Variants in MYO16 observed in about 807,000 individuals in gnomAD.
The protein encoded by MYO16 is unconventional myosin-XVI.
Under a neutral mutation model 205.3 loss-of-function variants are expected in MYO16, and 94 were observed. The ratio of observed to expected loss-of-function variants is 0.46; its 90% confidence interval spans 0.39 to 0.54. The LOEUF is 0.54. Ranked by LOEUF, MYO16 falls within the 20% of genes least tolerant of loss-of-function variation. The pLI, the probability that MYO16 is intolerant of heterozygous loss-of-function variation, is 0.00. For missense variants in MYO16, 2,315 were observed against 2,387.5 expected (o/e 0.97, Z 0.63); for synonymous variants, 988 against 954.0 (o/e 1.04, Z -0.66).
chr13:109,111,852 A>T (rs1281933135), intron 28 of MYO16, among the ~76,000 whole-genome samples: 2 of 152,028 alleles, frequency 1.3e-5, no homozygotes, highest in Non-Finnish European at 2.9e-5. Flanking sequence ...ACGCCCGGCT[A>T]ATTTTTTGTA....
upstream of MYO16, among the ~76,000 whole-genome samples, chr13:108,627,186 G>T (rs1455076284): frequency 1.3e-5 from 2 of 151,794 alleles, no homozygotes; most frequent in Admixed American, 1.3e-4. Context: ...TTTTTGTTTT[G>T]TAGTGATGAA....
intron 31 of MYO16, among the ~76,000 whole-genome samples, chr13:109,134,534 G>A (rs957353849): frequency 3.3e-5 from 5 of 152,146 alleles, no homozygotes; most frequent in Admixed American, 2.0e-4. Context: ...AGCTGGTCAC[G>A]GGCATGTCTG....
intron 32 of MYO16, among the ~76,000 whole-genome samples, chr13:109,160,000 G>A (rs966200878): frequency 1.3e-5 from 2 of 152,198 alleles, no homozygotes; most frequent in South Asian, 2.1e-4. Context: ...TTTAAAGCGA[G>A]GTTTCTCGGC....
intron 2 of MYO16, among the ~76,000 whole-genome samples, chr13:108,696,977 TAAA>T (rs11462001): frequency 5.5e-5 from 8 of 145,156 alleles, no homozygotes; most frequent in Admixed American, 2.0e-4. Context: ...ATTCAAGCAT[TAAA>T]AAAAAAAAAA....
chr13:108,827,841 T>C (rs1446203417), intron 9 of MYO16, among the ~76,000 whole-genome samples: 1 of 152,170 alleles, frequency 6.6e-6, no homozygotes, highest in African/African-American at 2.4e-5. Flanking sequence ...CGTCTGAGCA[T>C]GGACGTGCTC....
chr13:108,497,486 A>G, the MYO16 span, among the ~76,000 whole-genome samples: 50 of 152,334 alleles, frequency 3.3e-4, no homozygotes, highest in Middle Eastern at 6.8e-3. Flanking sequence ...GCAATGCATT[A>G]TAGACAGCAT....
rs953481297 is a variant in MYO16 at position 109,052,283 on chromosome 13, A to T, written c.2873-17A>T. 5.0e-6 allele frequency: 8 copies of T among 1,604,946 alleles called. No homozygotes were observed. The African/African-American group carries it at 8.0e-5, about 16-fold the overall frequency. On this transcript the variant is annotated splice_polypyrimidine_tract_variant and intron_variant, in intron 24 of 34. Transcript: ENST00000457511. ...AATTTTAGTGCCACTTACGATATTC[A>T]TTTATTTATTTCCTAGCTAGTGAAA...
At chr13:108,963,092 A>G (rs1883648995) in intron 19 of MYO16, among the ~76,000 whole-genome samples, 1 of 152,236 alleles carries the variant, frequency 6.6e-6, no homozygotes, top group Non-Finnish European at 1.5e-5. Context: ...CTTAATCTCT[A>G]TGCTACATGC....
At chr13:108,630,735 T>G (rs1879943832) in intron 1 of MYO16, among the ~76,000 whole-genome samples, 1 of 152,198 alleles carries the variant, frequency 6.6e-6, no homozygotes, top group Non-Finnish European at 1.5e-5. Flanking sequence ...GACATCACAA[T>G]GTTAAATTGA....
chr13:108,843,158 T>G (rs1437865309), intron 9 of MYO16, among the ~76,000 whole-genome samples: 3 of 151,752 alleles, frequency 2.0e-5, no homozygotes, highest in Non-Finnish European at 2.9e-5. Flanking sequence ...GATGAGCAAA[T>G]TTTGGAGATC....
At chr13:108,802,311 A>G (rs1886992247) in intron 6 of MYO16, among the ~76,000 whole-genome samples, 1 of 152,172 alleles carries the variant, frequency 6.6e-6, no homozygotes, top group South Asian at 2.1e-4. Context: ...TTACTGATTT[A>G]GATTTCACTT....
rs1880639264 is a variant in MYO16, at chr13:109,207,190, GT to G, written c.*359del. On this transcript the variant is annotated 3_prime_UTR_variant, in exon 35 of 35. Coordinates refer to ENST00000457511, the MANE Select transcript of MYO16 (RefSeq NM_001198950.3). ...CAATCCATGCACACTCTGTACAGTT[GT>G]TTTTCTACGGTTCAACAGTCTGTTT... The G allele has an allele frequency of 4.5e-6, 1 of 223,018 alleles. No individual in the cohort carries two copies. Among genetic ancestry groups the G allele is most frequent in the Admixed American group, 5.2e-5 (1 of 19,392 alleles). The allele number at this position is 223,018 out of a possible 1,614,324, so 13.8% of individuals were successfully genotyped here. A position where few individuals can be genotyped will look rare whatever the true frequency, so the allele number is the denominator to read the frequency against.
intron 4 of MYO16, among the ~76,000 whole-genome samples, chr13:108,748,056 T>C (rs1885120877): frequency 6.6e-6 from 1 of 152,044 alleles, no homozygotes; most frequent in Non-Finnish European, 1.5e-5. Flanking sequence ...AAAACACACA[T>C]TCTTCTCAAT....
At chr13:108,873,239 T>C (rs1879151458) in intron 12 of MYO16, among the ~76,000 whole-genome samples, 1 of 152,252 alleles carries the variant, frequency 6.6e-6, no homozygotes, top group African/African-American at 2.4e-5. Context: ...AATAAAACAT[T>C]AAATATGATT....
At chr13:108,859,097 A>G (rs1878332844) in intron 11 of MYO16, among the ~76,000 whole-genome samples, 1 of 152,054 alleles carries the variant, frequency 6.6e-6, no homozygotes, top group African/African-American at 2.4e-5. Flanking sequence ...TTCCTCCACA[A>G]ACTTACCACT....
At chr13:109,022,194 A>G (rs1263008936) in intron 23 of MYO16, among the ~76,000 whole-genome samples, 1 of 136,438 alleles carries the variant, frequency 7.3e-6, no homozygotes, top group African/African-American at 2.9e-5. Flanking sequence ...TTATATATTT[A>G]TAATGTATTT....
rs1887593814 is a variant in MYO16 at position 109,061,572 on chromosome 13, T to A, written c.3335+5977T>A. The stretch of plus-strand genomic sequence containing the variant: ...GGGGAACACTTGGTAGGTTGAACAG[T>A]GAGAACACACATGACACGTATTGAT... On this transcript the variant is annotated intron_variant, in intron 27 of 34. Transcript: ENST00000457511. 5.9e-5 allele frequency among the ~76,000 whole-genome samples: 9 copies of A among 152,164 alleles called. No homozygotes were observed. The South Asian group carries it at 1.9e-3, about 32-fold the overall frequency.
chr13:109,130,903 C>G (rs1315650625), intron 31 of MYO16, among the ~76,000 whole-genome samples: 1 of 152,194 alleles, frequency 6.6e-6, no homozygotes, highest in Non-Finnish European at 1.5e-5. Context: ...ATTCCTCCAT[C>G]ATCAGTCACT....
chr13:109,199,051 A>T (rs181046392), intron 34 of MYO16, among the ~76,000 whole-genome samples: 143 of 151,708 alleles, frequency 9.4e-4, no homozygotes, highest in Non-Finnish European at 1.5e-3. Flanking sequence ...TTCTCCTCGC[A>T]TGTTCTTCTC....
Sources: gnomAD v4.1 joint callset for allele counts (sites outside exome capture counted in the v4.1 genomes callset) on GRCh38, gnomAD v4.1.1 for gene constraint, MANE v1.5 for transcripts, NCBI Gene and HGNC (gene_info 2026-07-23, HGNC 2026-07-21) for gene names.